Variants in TET1 observed in about 807,000 individuals in gnomAD.
The protein encoded by TET1 is tet methylcytosine dioxygenase 1.
Under a neutral mutation model 148.7 loss-of-function variants are expected in TET1, and 13 were observed. The observed-to-expected ratio is 0.09, with a 90% CI of 0.06 to 0.14. The LOEUF (loss-of-function observed/expected upper bound fraction) is 0.14. TET1 is among the 10% of genes least tolerant of loss of function. The pLI is 1.00. For synonymous variants in TET1, 907 were observed against 937.2 expected (o/e 0.97, Z 0.59); for missense variants, 2,182 against 2,553.8 (o/e 0.85, Z 3.14).
At chr10:68,639,927 A>G (rs1035646821) in intron 3 of TET1, among the ~76,000 whole-genome samples, 2 of 152,126 alleles carry the variant, frequency 1.3e-5, no homozygotes, top group Admixed American at 1.3e-4. Context: ...GTTAAACACT[A>G]GTAACTTTTT....
At chr10:68,633,602 T>C (rs935978915) in intron 3 of TET1, among the ~76,000 whole-genome samples, 1 of 152,124 alleles carries the variant, frequency 6.6e-6, no homozygotes, top group Non-Finnish European at 1.5e-5. Context: ...TTACTTGTAA[T>C]ATTTTTTGTA....
intron 3 of TET1, among the ~76,000 whole-genome samples, chr10:68,615,288 C>G (rs1203355012): frequency 6.6e-6 from 1 of 151,898 alleles, no homozygotes; most frequent in Admixed American, 6.6e-5. Flanking sequence ...TTTTTCCTCT[C>G]TCTCTCCACA....
chr10:68,582,724 G>A (rs573296110), intron 2 of TET1, among the ~76,000 whole-genome samples: 39 of 152,002 alleles, frequency 2.6e-4, no homozygotes, highest in Non-Finnish European at 4.7e-4. Flanking sequence ...TCAAACAGCC[G>A]TATCTCATTA....
chr10:68,654,461 GA>G (rs1359922942), intron 6 of TET1, among the ~76,000 whole-genome samples: 1 of 151,388 alleles, frequency 6.6e-6, no homozygotes, highest in Non-Finnish European at 1.5e-5. Context: ...ACTAAAAATA[GA>G]AAAAATTAGC....
At chr10:68,659,914 AT>A (rs1246430506) in intron 6 of TET1, among the ~76,000 whole-genome samples, 1 of 152,176 alleles carries the variant, frequency 6.6e-6, no homozygotes, top group African/African-American at 2.4e-5. Flanking sequence ...GTGGAATTGT[AT>A]TGTAAAAGTC....
intron 6 of TET1, among the ~76,000 whole-genome samples, chr10:68,666,693 G>A (rs1016157088): frequency 1.3e-5 from 2 of 152,154 alleles, no homozygotes. Flanking sequence ...TAGTCATATA[G>A]GTTCAGGTAC....
chr10:68,624,689 TC>T (rs1564975253), intron 3 of TET1, among the ~76,000 whole-genome samples: 16 of 130,134 alleles, frequency 1.2e-4, no homozygotes, highest in African/African-American at 4.1e-4. Flanking sequence ...TCTCTCTCTC[TC>T]TCTCTCTTTC....
At chr10:68,628,096 A>G (rs1412605202) in intron 3 of TET1, among the ~76,000 whole-genome samples, 1 of 152,010 alleles carries the variant, frequency 6.6e-6, no homozygotes, top group Non-Finnish European at 1.5e-5. Flanking sequence ...ATAGGCACCC[A>G]CCAACACGCC....
chr10:68,687,011 C>T (rs1157044539), intron 11 of TET1, among the ~76,000 whole-genome samples: 1 of 151,990 alleles, frequency 6.6e-6, no homozygotes, highest in Non-Finnish European at 1.5e-5. Flanking sequence ...CCTCAGCGTC[C>T]TGCTTAGCTG....
intron 6 of TET1, among the ~76,000 whole-genome samples, chr10:68,664,039 G>A (rs1002227572): frequency 2.0e-5 from 3 of 151,476 alleles, no homozygotes; most frequent in African/African-American, 7.3e-5. Context: ...TGCTCCCATC[G>A]CGCAGGCTGT....
At chr10:68,610,197 G>T (rs2054186689) in intron 3 of TET1, among the ~76,000 whole-genome samples, 1 of 151,866 alleles carries the variant, frequency 6.6e-6, no homozygotes, top group Non-Finnish European at 1.5e-5. Flanking sequence ...GCAAGAGAAT[G>T]ATGTGAACCC....
At chr10:68,568,012 G>A (rs2053626015) in intron 1 of TET1, among the ~76,000 whole-genome samples, 2 of 151,880 alleles carry the variant, frequency 1.3e-5, no homozygotes, top group Admixed American at 6.6e-5. Context: ...CTGAGTAGGT[G>A]GGATTACAGG....
At chr10:68,605,816 A>G (rs931180761) in intron 3 of TET1, among the ~76,000 whole-genome samples, 15 of 152,174 alleles carry the variant, frequency 9.9e-5, no homozygotes, top group Non-Finnish European at 1.6e-4. Flanking sequence ...CGCCTAGCCC[A>G]TAAATTATTT....
At chr10:68,677,565 A>T (rs137923766) in intron 8 of TET1, among the ~76,000 whole-genome samples, 1 of 152,186 alleles carries the variant, frequency 6.6e-6, no homozygotes, top group African/African-American at 2.4e-5. Context: ...GGGCCTCACT[A>T]TGTTGCTCTG....
intron 1 of TET1, among the ~76,000 whole-genome samples, chr10:68,561,746 T>G (rs2053557053): frequency 7.8e-6 from 1 of 128,030 alleles, no homozygotes; most frequent in South Asian, 3.2e-4. Flanking sequence ...CCCAGGCTCT[T>G]GAATATATAT....
chr10:68,565,762 GT>G (rs923213502), intron 1 of TET1, among the ~76,000 whole-genome samples: 67 of 152,032 alleles, frequency 4.4e-4, no homozygotes, highest in African/African-American at 1.5e-3. Flanking sequence ...CACAAAAGAA[GT>G]TTATGTTTCA....
intron 1 of TET1, among the ~76,000 whole-genome samples, chr10:68,570,219 C>T (rs999019956): frequency 6.6e-6 from 1 of 152,196 alleles, no homozygotes; most frequent in African/African-American, 2.4e-5. Flanking sequence ...ATTCTCCTGC[C>T]TCAGCCTCCG....
At chr10:68,688,527 C>T (rs1222392088) in intron 11 of TET1, among the ~76,000 whole-genome samples, 13 of 143,038 alleles carry the variant, frequency 9.1e-5, no homozygotes, top group South Asian at 2.3e-4. Context: ...TTGTGCCTCC[C>T]GGGTTCACGC....
intron 1 of TET1, among the ~76,000 whole-genome samples, chr10:68,564,971 G>C (rs746119465): frequency 3.3e-5 from 5 of 152,048 alleles, no homozygotes; most frequent in Non-Finnish European, 5.9e-5. Context: ...TATAGTTAGC[G>C]ATGATCACAG....
Sources: allele counts gnomAD v4.1 joint callset (sites outside exome capture counted in the v4.1 genomes callset), GRCh38; gene constraint gnomAD v4.1.1; transcripts MANE v1.5; gene names NCBI Gene and HGNC (gene_info 2026-07-23, HGNC 2026-07-21).